Variants in EDIL3 observed in about 807,000 individuals in gnomAD.
The protein encoded by EDIL3 is EGF-like repeat and discoidin I-like domain-containing protein 3.
In EDIL3, 37 loss-of-function variants were observed where a neutral mutation model predicts 67.4. The observed-to-expected ratio is 0.55, with a 90% CI of 0.42 to 0.72. The LOEUF is 0.72. EDIL3 is among the 30% of genes least tolerant of loss of function. The probability of loss-of-function intolerance (pLI) is 0.00; values close to 1 mark genes in which losing one functional copy is unlikely to be tolerated. For missense variants in EDIL3, 527 were observed against 586.3 expected (o/e 0.90, Z 1.04); for synonymous variants, 195 against 196.3 (o/e 0.99, Z 0.05).
At chr5:84,327,905 T>C (rs1367900308) in intron 1 of EDIL3, among the ~76,000 whole-genome samples, 1 of 151,932 alleles carries the variant, frequency 6.6e-6, no homozygotes. Flanking sequence ...GAGAGAACAG[T>C]CCTAATTCAT....
intron 1 of EDIL3, among the ~76,000 whole-genome samples, chr5:84,261,269 A>T (rs1232161785): frequency 3.9e-5 from 6 of 152,210 alleles, no homozygotes; most frequent in Non-Finnish European, 7.4e-5. Flanking sequence ...TAGCACCCTT[A>T]TGACTTACTA....
At position 84,156,102 on chromosome 5, in the gene EDIL3, T is replaced by A. The variant is rs776351821; in HGVS notation, c.356-18748A>T. ...CTATCCTCATCTTGCAAAATAAGGT[T>A]TTATTCAGTGTTGTCAATTTCTGCC... On this transcript the variant is annotated intron_variant, in intron 4 of 10. Transcript: ENST00000296591. 2.0e-5 allele frequency among the ~76,000 whole-genome samples: 3 copies of A among 152,250 alleles called. No individual in the cohort carries two copies. The East Asian group carries it at 5.8e-4, about 29-fold the overall frequency.
chr5:84,089,761 G>T (rs1441439290), intron 6 of EDIL3, among the ~76,000 whole-genome samples: 1 of 152,054 alleles, frequency 6.6e-6, no homozygotes, highest in Non-Finnish European at 1.5e-5. Flanking sequence ...TACCCCTACA[G>T]ATATGCAACT....
At chr5:84,167,189 G>A (rs1307267740) in intron 4 of EDIL3, among the ~76,000 whole-genome samples, 1 of 152,080 alleles carries the variant, frequency 6.6e-6, no homozygotes, top group Admixed American at 6.6e-5. Flanking sequence ...GCATAATGCT[G>A]CCTTAGGAAG....
intron 9 of EDIL3, among the ~76,000 whole-genome samples, chr5:84,033,821 G>A (rs1389470141): frequency 6.6e-6 from 1 of 152,002 alleles, no homozygotes; most frequent in Non-Finnish European, 1.5e-5. Context: ...GCTATCACCT[G>A]ATAGTTACAC....
chr5:84,117,999 T>C (rs1158932119), intron 5 of EDIL3, among the ~76,000 whole-genome samples: 1 of 151,516 alleles, frequency 6.6e-6, no homozygotes, highest in African/African-American at 2.4e-5. Context: ...CAAAAAACAG[T>C]AAATGGATAT....
Position 84,050,274 on chromosome 5 carries a change from G to A in EDIL3, c.1137+10026C>T, listed in dbSNP as rs113092469. On this transcript the variant is annotated intron_variant, in intron 9 of 10. Coordinates refer to ENST00000296591, the MANE Select transcript of EDIL3 (RefSeq NM_005711.5). The stretch of plus-strand genomic sequence containing the variant: ...TTCCAGACATTTTGATCTTATAGAA[G>A]TGAGTAGATGAAACATTAGAGTAAT... 1.1e-3 allele frequency among the ~76,000 whole-genome samples: 169 copies of A among 150,490 alleles called. 1 individual carries two copies. The highest frequency in any genetic ancestry group is 3.8e-3 in the African/African-American group (157 of 41,020).
At chr5:84,326,791 GT>G (rs899113527) in intron 1 of EDIL3, among the ~76,000 whole-genome samples, 16 of 150,894 alleles carry the variant, frequency 1.1e-4, no homozygotes, top group African/African-American at 2.9e-4. Context: ...CTTTAATATT[GT>G]TTTTTTTCTT....
chr5:84,209,635 T>TA (rs113385032), intron 3 of EDIL3, among the ~76,000 whole-genome samples: 81,360 of 149,270 alleles, frequency 0.55, 22,196 homozygotes, highest in East Asian at 0.72. Flanking sequence ...CTAAACTTAT[T>TA]AAAAAAAAAA....
chr5:84,287,382 G>A (rs779688660), intron 1 of EDIL3, among the ~76,000 whole-genome samples: 7 of 152,094 alleles, frequency 4.6e-5, no homozygotes, highest in East Asian at 1.9e-4. Context: ...CCAGATCATC[G>A]TCAGCAGGAC....
At chr5:84,153,535 G>T (rs948622325) in intron 4 of EDIL3, among the ~76,000 whole-genome samples, 1 of 150,660 alleles carries the variant, frequency 6.6e-6, no homozygotes, top group Non-Finnish European at 1.5e-5. Flanking sequence ...CCTCAGGCTG[G>T]TCTCGAACTC....
chr5:83,990,195 A>C (rs974553820), intron 9 of EDIL3, among the ~76,000 whole-genome samples: 1 of 152,142 alleles, frequency 6.6e-6, no homozygotes, highest in African/African-American at 2.4e-5. Flanking sequence ...AGCATTAGAA[A>C]ACTAACAAAC....
At chr5:84,342,862 T>C (rs967438573) in intron 1 of EDIL3, among the ~76,000 whole-genome samples, 1 of 152,088 alleles carries the variant, frequency 6.6e-6, no homozygotes, top group Non-Finnish European at 1.5e-5. Flanking sequence ...TACATTTCAG[T>C]TACAAGTTAG....
intron 1 of EDIL3, among the ~76,000 whole-genome samples, chr5:84,334,160 G>A (rs963354094): frequency 2.7e-5 from 4 of 150,672 alleles, no homozygotes; most frequent in East Asian, 2.0e-4. Flanking sequence ...TCTGCCTCCC[G>A]GGTTCAAGCG....
intron 3 of EDIL3, among the ~76,000 whole-genome samples, chr5:84,188,262 T>C (rs980232855): frequency 1.3e-5 from 2 of 151,964 alleles, no homozygotes; most frequent in African/African-American, 4.8e-5. Flanking sequence ...TTTAAAACAA[T>C]AGAATTTTAT....
intron 1 of EDIL3, among the ~76,000 whole-genome samples, chr5:84,358,689 T>C (rs532270260): frequency 7.0e-5 from 10 of 142,954 alleles, no homozygotes; most frequent in African/African-American, 2.6e-4. Context: ...CTGCAAGCTC[T>C]GCCTCCTAGG....
chr5:84,298,055 A>G (rs1169985006), intron 1 of EDIL3, among the ~76,000 whole-genome samples: 1 of 152,164 alleles, frequency 6.6e-6, no homozygotes, highest in Non-Finnish European at 1.5e-5. Context: ...TATGTCAGAC[A>G]TGCAAGCCCT....
At chr5:84,302,754 G>A (rs1266011772) in intron 1 of EDIL3, among the ~76,000 whole-genome samples, 6 of 152,044 alleles carry the variant, frequency 3.9e-5, no homozygotes, top group African/African-American at 9.6e-5. Context: ...TAGTATCATC[G>A]ACTTACTTGC....
intron 6 of EDIL3, among the ~76,000 whole-genome samples, chr5:84,104,699 T>A (rs1747427052): frequency 1.3e-5 from 2 of 152,008 alleles, no homozygotes; most frequent in South Asian, 4.1e-4. Context: ...AAATCTAAAT[T>A]TTTCTCAGTG....
Sources: gnomAD v4.1 joint callset for allele counts (sites outside exome capture counted in the v4.1 genomes callset) on GRCh38, gnomAD v4.1.1 for gene constraint, MANE v1.5 for transcripts, NCBI Gene and HGNC (gene_info 2026-07-23, HGNC 2026-07-21) for gene names.